CDC42BPB: variants seen among roughly 807,000 people sequenced by gnomAD.
CDC42BPB encodes serine/threonine-protein kinase MRCK beta.
CDC42BPB carries 37 observed loss-of-function variants against 214.9 expected under a neutral mutation model. That is an observed-to-expected ratio of 0.17 (90% CI 0.13 to 0.23). The LOEUF (loss-of-function observed/expected upper bound fraction) is 0.23, where lower values mean the gene tolerates loss of function less well. CDC42BPB is among the 10% of genes least tolerant of loss of function. The pLI, the probability that CDC42BPB is intolerant of heterozygous loss-of-function variation, is 1.00. For missense variants in CDC42BPB, 1,694 were observed against 2,227.0 expected (o/e 0.76, Z 4.82); for synonymous variants, 931 against 884.0 (o/e 1.05, Z -0.94).
At chr14:102,991,643 C>T (rs918692546) in intron 5 of CDC42BPB, among the ~76,000 whole-genome samples, 12 of 152,132 alleles carry the variant, frequency 7.9e-5, no homozygotes, top group African/African-American at 2.9e-4. Context: ...AAAATCTGTA[C>T]GTGTGTGTAC....
intron 17 of CDC42BPB, 55 bp downstream of exon 17, chr14:102,966,991 C>T: frequency 6.3e-7 from 1 of 1,588,594 alleles, no homozygotes; most frequent in Admixed American, 1.7e-5. Context: ...CGGGGCAGAC[C>T]CCATGGACTG....
chr14:103,004,091 T>C lies in CDC42BPB; in HGVS notation c.352-68A>G. The C allele has an allele frequency of 6.7e-7, 1 of 1,494,260 alleles. No homozygotes were observed. The highest frequency in any genetic ancestry group is 2.0e-5 in the Admixed American group (1 of 49,002). 92.6% of individuals were successfully genotyped at this position (1,494,260 alleles called of 1,614,324 possible). A position where few individuals can be genotyped will look rare whatever the true frequency, so the allele number is the denominator to read the frequency against. ...CAGGCCAGAGAGCGTACTGCCGGTC[T>C]CGGGGTCCCTCCTGGGACAGTGGCT... On this transcript the variant is annotated intron_variant, in intron 3 of 36. Transcript: ENST00000361246. This position sits in a 1 kb window ranked among gnomAD's most constrained non-coding sequence, Gnocchi z 5.3.
At chr14:103,049,971 A>G (rs1888514837) in intron 1 of CDC42BPB, among the ~76,000 whole-genome samples, 1 of 152,188 alleles carries the variant, frequency 6.6e-6, no homozygotes, top group Non-Finnish European at 1.5e-5. Context: ...TCGGCCTCCC[A>G]AAGTGCTGGG....
chr14:102,934,196 TGAGACCAG>T (rs1351299374), intron 36 of CDC42BPB: 1 of 235,110 alleles, frequency 4.3e-6, no homozygotes. Context: ...GTCAGGAGTT[TGAGACCAG>T]CCTGGCCAAT....
At chr14:102,977,016 C>CA (rs1893776048) in intron 9 of CDC42BPB, among the ~76,000 whole-genome samples, 1 of 152,196 alleles carries the variant, frequency 6.6e-6, no homozygotes, top group South Asian at 2.1e-4. Context: ...CCTCTCACAC[C>CA]AAAAGAGATT....
intron 1 of CDC42BPB, among the ~76,000 whole-genome samples, chr14:103,026,006 T>C (rs1420625288): frequency 6.6e-6 from 1 of 152,106 alleles, no homozygotes; most frequent in African/African-American, 2.4e-5. Flanking sequence ...GACAACCACA[T>C]GCTGAAGAAT....
intron 20 of CDC42BPB, among the ~76,000 whole-genome samples, chr14:102,961,530 ACCC>A (rs150777406): frequency 8.1e-6 from 1 of 123,620 alleles, no homozygotes; most frequent in Non-Finnish European, 1.7e-5. Flanking sequence ...AGATGGCAAA[ACCC>A]CCCCCACTTT....
chr14:103,008,334 A>G, intron 3 of CDC42BPB, 138 bp downstream of exon 3: 1 of 626,542 alleles, frequency 1.6e-6, no homozygotes, highest in East Asian at 2.7e-5. Context: ...ACCTCCTCAA[A>G]AGAGAGTGCT....
chr14:102,968,265 A>G lies in CDC42BPB; in HGVS notation c.2334T>C (p.Ala778=). ...TTGAATTAATTACCTTTTCATTTTCAGCAGTTAGCTTCTTGTTTTCATCAA... is the reference window on the plus strand; with the variant it reads ...TTGAATTAATTACCTTTTCATTTTCGGCAGTTAGCTTCTTGTTTTCATCAA... ...MLFDENKKLT[A]ENEKLCSFVD... The change falls in exon 16 of 37, where the codon GCT becomes GCC. Residue 778 remains alanine (A), a synonymous_variant. Coordinates refer to ENST00000361246, the MANE Select transcript of CDC42BPB (RefSeq NM_006035.4). 6.2e-7 allele frequency: 1 copy of G among 1,612,124 alleles called. No homozygotes were observed. The highest frequency in any genetic ancestry group is 8.5e-7 in the Non-Finnish European group (1 of 1,178,496).
chr14:103,049,889 T>C (rs188255466), intron 1 of CDC42BPB, among the ~76,000 whole-genome samples: 1 of 152,256 alleles, frequency 6.6e-6, no homozygotes, highest in Non-Finnish European at 1.5e-5. Context: ...ATTTTTGTAT[T>C]TTTAGTAGAG....
intron 1 of CDC42BPB, among the ~76,000 whole-genome samples, chr14:103,034,830 AAAAAG>A (rs1290455421): frequency 3.9e-5 from 6 of 151,910 alleles, no homozygotes; most frequent in African/African-American, 1.5e-4. Flanking sequence ...AAAAAAAAAA[AAAAAG>A]AAAAGAAAAG....
At chr14:102,996,947 G>A (rs1374482569) in intron 5 of CDC42BPB, among the ~76,000 whole-genome samples, 2 of 152,100 alleles carry the variant, frequency 1.3e-5, no homozygotes, top group Non-Finnish European at 2.9e-5. Context: ...CTGTTCTATC[G>A]GGACAGCTCC....
chr14:102,974,620 AG>A (rs1289270833), intron 11 of CDC42BPB, among the ~76,000 whole-genome samples: 1 of 152,214 alleles, frequency 6.6e-6, no homozygotes, highest in Non-Finnish European at 1.5e-5. Flanking sequence ...TTGGAGGTGA[AG>A]GTCAACTGCA....
rs551338326 is a variant in CDC42BPB at position 102,935,851 on chromosome 14, A to G, written c.5005-2008T>C. Among the ~76,000 whole-genome samples the G allele has an allele frequency of 3.3e-5, 5 of 152,200 alleles. No individual in the cohort carries two copies. The South Asian group carries it at 1.0e-3, about 32-fold the overall frequency. On this transcript the variant is annotated intron_variant, in intron 36 of 36. Transcript: ENST00000361246. ...ACAAGAGAAGACATCTGCACATCAC[A>G]TCTCTCACAAGAGCCTGGTACTCAG...
chr14:103,002,264 G>T (rs1895023719), intron 4 of CDC42BPB, among the ~76,000 whole-genome samples: 1 of 152,174 alleles, frequency 6.6e-6, no homozygotes, highest in Admixed American at 6.5e-5. Flanking sequence ...CGGCCCCGCA[G>T]TCACGGGCCA....
At chr14:103,027,252 G>GTAGCC (rs1436367717) in intron 1 of CDC42BPB, among the ~76,000 whole-genome samples, 1 of 152,178 alleles carries the variant, frequency 6.6e-6, no homozygotes, top group Non-Finnish European at 1.5e-5. Flanking sequence ...GTAAAATGAT[G>GTAGCC]TAGCCTGGCA....
chr14:102,944,424 A>G lies in CDC42BPB; in HGVS notation c.3875T>C (p.Ile1292Thr), dbSNP rs763316431. 2 of 1,613,010 alleles carry G rather than the reference A, an allele frequency of 1.2e-6. No individual in the cohort carries two copies. Among genetic ancestry groups the G allele is most frequent in the East Asian group, 2.2e-5 (1 of 44,884 alleles). ...HQIELAPREK[I>T]VILLCGRNHH... Reference sequence around the variant, plus strand: ...GTTCCGGCCACAGAGGAGGATTACGATCTTCTCCCTGGGAGCAAGCTCGAT... The same window carrying G: ...GTTCCGGCCACAGAGGAGGATTACGGTCTTCTCCCTGGGAGCAAGCTCGAT... Residue 1292 changes from isoleucine (I) to threonine (T), a missense_variant, in exon 30 of 37, where the codon ATC becomes ACC. Physicochemically the swap from Ile to Thr is moderately conservative, Grantham distance 89 (BLOSUM62 -1). Coordinates refer to ENST00000361246, the MANE Select transcript of CDC42BPB (RefSeq NM_006035.4). This position sits in a 1 kb window ranked among gnomAD's most constrained non-coding sequence, Gnocchi z 6.6.
chr14:103,035,136 C>A (rs1887597119), intron 1 of CDC42BPB, among the ~76,000 whole-genome samples: 1 of 151,870 alleles, frequency 6.6e-6, no homozygotes, highest in African/African-American at 2.4e-5. Context: ...CAGCTCACCA[C>A]AACTTCCGCC....
intron 18 of CDC42BPB, 158 bp from the exon 19 acceptor site, chr14:102,964,808 A>G (rs1039358112): frequency 2.0e-6 from 2 of 976,774 alleles, no homozygotes; most frequent in Admixed American, 6.2e-5. Flanking sequence ...TTTAGTTTTG[A>G]TATTTTATGA....
Sources: allele counts gnomAD v4.1 joint callset (sites outside exome capture counted in the v4.1 genomes callset), GRCh38; gene constraint gnomAD v4.1.1; non-coding constraint Gnocchi (gnomAD v3.1); transcripts MANE v1.5; gene names NCBI Gene and HGNC (gene_info 2026-07-23, HGNC 2026-07-21).